Variants in AIM2 observed in about 807,000 individuals in gnomAD.
The protein encoded by AIM2 is absent in melanoma 2, also known as interferon-inducible protein AIM2.
In AIM2, 30 loss-of-function variants were observed where a neutral mutation model predicts 27.7. That is an observed-to-expected ratio of 1.08 (90% CI 0.81 to 1.47). The LOEUF is 1.47. Ranked by LOEUF, AIM2 falls within the 40% of genes most tolerant of loss-of-function variation. AIM2 has a pLI of 0.00. For missense variants in AIM2, 358 were observed against 411.3 expected (o/e 0.87, Z 1.12); for synonymous variants, 141 against 145.3 (o/e 0.97, Z 0.21).
At chr1:159,103,558 G>A (rs961171542) in intron 1 of AIM2, among the ~76,000 whole-genome samples, 2 of 152,144 alleles carry the variant, frequency 1.3e-5, no homozygotes, top group Non-Finnish European at 2.9e-5. Flanking sequence ...GGGAGGTGGA[G>A]GAAGATTTTC....
downstream of AIM2, among the ~76,000 whole-genome samples, chr1:159,059,210 A>G (rs191147195): frequency 6.4e-4 from 98 of 152,310 alleles, no homozygotes; most frequent in African/African-American, 2.2e-3. Context: ...TTAGATGCCA[A>G]TTAGACATTT....
intron 1 of AIM2, among the ~76,000 whole-genome samples, chr1:159,087,573 C>CT (rs55908329): frequency 1.3e-3 from 154 of 116,780 alleles, no homozygotes; most frequent in Middle Eastern, 4.6e-3. Context: ...TGGATAAAGT[C>CT]TTTTTTTTTT....
chr1:159,124,265 C>T (rs1213949705), intron 1 of AIM2, among the ~76,000 whole-genome samples: 4 of 152,142 alleles, frequency 2.6e-5, no homozygotes, highest in Admixed American at 6.5e-5. Context: ...CCTTGGCAAA[C>T]TACAAGCAAA....
intron 1 of AIM2, among the ~76,000 whole-genome samples, chr1:159,110,508 T>C (rs1310564156): frequency 6.6e-6 from 1 of 152,194 alleles, no homozygotes; most frequent in African/African-American, 2.4e-5. Flanking sequence ...AGCTGTGCCG[T>C]TGGTATACCA....
In AIM2 at chr1:159,119,483, A is replaced by C. The variant is rs77544465; in HGVS notation, c.-16+20948T>G. On this transcript the variant is annotated intron_variant, in intron 1 of 2. Coordinates refer to the AIM2 transcript ENST00000368129. ...ATTTTTTTGATGCTCATATTGTCCC[A>C]AACTCAGTCAGTGACAGCCCCTTCA... 3.4e-3 allele frequency among the ~76,000 whole-genome samples: 521 copies of C among 152,188 alleles called. 6 individuals are homozygous for C. Among genetic ancestry groups the C allele is most frequent in the African/African-American group, 0.012 (496 of 41,518 alleles).
intron 3 of AIM2, 142 bp downstream of exon 3, chr1:159,068,425 TG>T (rs1656205033): frequency 8.8e-7 from 1 of 1,130,528 alleles, no homozygotes; most frequent in African/African-American, 1.6e-5. Flanking sequence ...TTCCTGTTTT[TG>T]TGACTCAGAA....
intron 1 of AIM2, among the ~76,000 whole-genome samples, chr1:159,088,734 A>G (rs1222097047): frequency 6.6e-6 from 1 of 152,106 alleles, no homozygotes; most frequent in Admixed American, 6.5e-5. Context: ...GTGGCTTTAA[A>G]AGAAGAGGAA....
chr1:159,112,108 C>T lies in AIM2; in HGVS notation c.-16+28323G>A, dbSNP rs570417662. 4.7e-4 allele frequency among the ~76,000 whole-genome samples: 71 copies of T among 152,058 alleles called. 1 individual carries two copies. The highest frequency in any genetic ancestry group is 1.7e-3 in the African/African-American group (69 of 41,458). On this transcript the variant is annotated intron_variant, in intron 1 of 2. Coordinates refer to the AIM2 transcript ENST00000368129. ...TCTAAATATTTCAATTACCCTGATA[C>T]GTATAAATTAAACTTGCCGGTTAAA... is the stretch of plus-strand genomic sequence containing the variant.
intron 1 of AIM2, among the ~76,000 whole-genome samples, chr1:159,074,409 T>G (rs1656504016): frequency 6.6e-6 from 1 of 152,204 alleles, no homozygotes; most frequent in African/African-American, 2.4e-5. Context: ...GAATATGAAT[T>G]TTCCCAGAAT....
At chr1:159,114,517 G>T (rs567018097) in intron 1 of AIM2, among the ~76,000 whole-genome samples, 2 of 152,184 alleles carry the variant, frequency 1.3e-5, no homozygotes, top group African/African-American at 2.4e-5. Context: ...AGGAGTTTGA[G>T]ACCAGCCTGG....
At chr1:159,108,427 G>A (rs1657500071) in intron 1 of AIM2, among the ~76,000 whole-genome samples, 1 of 152,158 alleles carries the variant, frequency 6.6e-6, no homozygotes, top group Non-Finnish European at 1.5e-5. Context: ...CAAACCCACA[G>A]CCAACACAAT....
At chr1:159,129,896 T>A (rs1647821259) in intron 1 of AIM2, among the ~76,000 whole-genome samples, 2 of 152,172 alleles carry the variant, frequency 1.3e-5, no homozygotes, top group South Asian at 4.1e-4. Flanking sequence ...TCCCATCCCA[T>A]CCACTAACTC....
At chr1:159,108,168 A>T (rs1211243836) in intron 1 of AIM2, among the ~76,000 whole-genome samples, 1 of 152,182 alleles carries the variant, frequency 6.6e-6, no homozygotes, top group African/African-American at 2.4e-5. Context: ...AATACTAGCT[A>T]ACCAAATCCA....
chr1:159,121,479 GT>G (rs545917675), intron 1 of AIM2, among the ~76,000 whole-genome samples: 7 of 151,186 alleles, frequency 4.6e-5, no homozygotes, highest in Admixed American at 6.6e-5. Flanking sequence ...TTGTAAGCAT[GT>G]TTTTTTTTCC....
At chr1:159,098,026 A>G (rs774465811) in intron 1 of AIM2, among the ~76,000 whole-genome samples, 11 of 152,208 alleles carry the variant, frequency 7.2e-5, no homozygotes, top group Non-Finnish European at 1.2e-4. Flanking sequence ...AGAATAAGCA[A>G]TTTCTACAGT....
intron 5 of AIM2, 122 bp from the exon 6 acceptor site, chr1:159,062,840 C>T: frequency 1.1e-6 from 1 of 946,054 alleles, no homozygotes; most frequent in Non-Finnish European, 1.7e-6. Context: ...ATTTTGTTCC[C>T]ACCCTTCTAA....
chr1:159,131,039 C>T (rs1252402456), intron 1 of AIM2, among the ~76,000 whole-genome samples: 2 of 152,236 alleles, frequency 1.3e-5, no homozygotes, highest in African/African-American at 2.4e-5. Flanking sequence ...CCTGATGATC[C>T]TCCAGCTTCC....
At chr1:159,131,962 A>G (rs1285594931) in intron 1 of AIM2, among the ~76,000 whole-genome samples, 2 of 152,198 alleles carry the variant, frequency 1.3e-5, no homozygotes, top group African/African-American at 4.8e-5. Flanking sequence ...ACGTATTTTA[A>G]TGTTCCTGCT....
At chr1:159,065,819 G>A in intron 4 of AIM2, 91 bp downstream of exon 4, 1 of 1,337,506 alleles carries the variant, frequency 7.5e-7, no homozygotes, top group Non-Finnish European at 1.0e-6. Context: ...TATATAGAAA[G>A]ACATTAAAAC....
Sources: allele counts gnomAD v4.1 joint callset (sites outside exome capture counted in the v4.1 genomes callset), GRCh38; gene constraint gnomAD v4.1.1; transcripts MANE v1.5; gene names NCBI Gene and HGNC (gene_info 2026-07-23, HGNC 2026-07-21).